Variants in ACO2 observed in about 807,000 individuals in gnomAD.
ACO2 encodes the protein aconitase 2.
In ACO2, 31 loss-of-function variants were observed where a neutral mutation model predicts 84.5. That is an observed-to-expected ratio of 0.37 (90% CI 0.28 to 0.50). ACO2 has a LOEUF of 0.50. Among genes scored for constraint, ACO2 ranks in the 20% least tolerant of loss-of-function variants. ACO2 has a pLI of 0.97. For missense variants in ACO2, 685 were observed against 1,029.3 expected (o/e 0.67, Z 4.58); for synonymous variants, 414 against 412.7 (o/e 1.00, Z -0.04).
intron 1 of ACO2, among the ~76,000 whole-genome samples, chr22:41,495,016 G>A (rs2066303230): frequency 1.3e-5 from 2 of 151,622 alleles, no homozygotes; most frequent in Admixed American, 6.6e-5. Flanking sequence ...TTATAGGCGT[G>A]AGTCTCCACG....
intron 14 of ACO2, 75 bp from the exon 15 acceptor site, chr22:41,526,187 C>T: frequency 7.3e-7 from 1 of 1,371,370 alleles, no homozygotes; most frequent in Non-Finnish European, 9.9e-7. Flanking sequence ...GGCCTGCTGC[C>T]TGCCTCTGGA....
At chr22:41,523,308 C>T (rs2066542200) in intron 11 of ACO2, 30 bp downstream of exon 11, 1 of 1,556,604 alleles carries the variant, frequency 6.4e-7, no homozygotes, top group South Asian at 1.1e-5. Flanking sequence ...ACAAGACAGC[C>T]CCTTGTGCAC....
chr22:41,526,387 C>G lies in ACO2; in HGVS notation c.1887C>G (p.Ala629=). Residue 629 remains alanine, a synonymous_variant, in exon 15 of 18, where the codon GCC becomes GCG. Transcript: ENST00000216254. ...IGAINIENGK[A]NSVRNAVTQE... The stretch of plus-strand genomic sequence containing the variant: ...CCATCAACATTGAAAACGGCAAGGC[C>G]AACTCCGTGCGCAATGCCGTCACTC... 6.2e-7 allele frequency: 1 copy of G among 1,613,894 alleles called. No individual in the cohort carries two copies. The highest frequency in any genetic ancestry group is 1.1e-5 in the South Asian group (1 of 91,068).
In ACO2 at chr22:41,524,846, A is replaced by G; in HGVS notation, c.1483A>G (p.Ile495Val). 1 of 1,614,070 alleles carries G rather than the reference A, an allele frequency of 6.2e-7. No individual in the cohort carries two copies. The highest frequency in any genetic ancestry group is 8.5e-7 in the Non-Finnish European group (1 of 1,180,014). ...AACAAACTGGCCACCTCCATTTCAG[A>G]TTGTCACAGCCCTGGCCATTGCGGG... ...ETHAFVTSPE[I>V]VTALAIAGTL... The change falls in exon 13 of 18, where the codon ATT becomes GTT. Residue 495 changes from isoleucine (I) to valine (V), a missense_variant and splice_region_variant. Ile to Val is a conservative substitution (Grantham distance 29, BLOSUM62 3). Around this residue, in one of 5 missense-constraint regions of ACO2, gnomAD observed 311 missense variants for 441.6 expected, o/e 0.70. Coordinates refer to ENST00000216254, the MANE Select transcript of ACO2 (RefSeq NM_001098.3).
chr22:41,507,377 A>C (rs974760934), intron 2 of ACO2, among the ~76,000 whole-genome samples: 1 of 150,804 alleles, frequency 6.6e-6, no homozygotes, highest in East Asian at 2.0e-4. Flanking sequence ...GAACTTGGTC[A>C]CTCTCCTGAG....
chr22:41,525,488 A>G, intron 14 of ACO2, 140 bp downstream of exon 14: 1 of 1,103,286 alleles, frequency 9.1e-7, no homozygotes, highest in Non-Finnish European at 1.3e-6. Context: ...TTGGCTGCAG[A>G]GCAGAGAGGG....
chr22:41,498,331 T>G (rs2066330116), intron 1 of ACO2, among the ~76,000 whole-genome samples: 1 of 152,098 alleles, frequency 6.6e-6, no homozygotes, highest in Non-Finnish European at 1.5e-5. Flanking sequence ...AAAAATTAAC[T>G]AATACAGATC....
chr22:41,477,439 G>A (rs943731701), intron 1 of ACO2, among the ~76,000 whole-genome samples: 12 of 151,810 alleles, frequency 7.9e-5, no homozygotes, highest in Admixed American at 5.9e-4. Context: ...GATTACAGGC[G>A]TGAGCCACCG....
At chr22:41,491,121 G>C (rs1028991889) in intron 1 of ACO2, among the ~76,000 whole-genome samples, 2 of 151,986 alleles carry the variant, frequency 1.3e-5, no homozygotes, top group Admixed American at 6.6e-5. Context: ...CCTAGGCAAA[G>C]GGCAGACTGG....
intron 2 of ACO2, 109 bp from the exon 3 acceptor site, chr22:41,507,682 C>G (rs1349077848): frequency 5.5e-6 from 8 of 1,466,016 alleles, no homozygotes; most frequent in Non-Finnish European, 6.4e-6. Context: ...GTTCAGACTC[C>G]CTGTCCCTGG....
rs115320762 is a variant in ACO2 at position 41,518,111 on chromosome 22, G to C, written c.941-370G>C. Among the ~76,000 whole-genome samples the C allele has an allele frequency of 3.3e-3, 509 of 152,342 alleles. 3 individuals are homozygous for C. The highest frequency in any genetic ancestry group is 0.012 in the African/African-American group (483 of 41,580). On this transcript the variant is annotated intron_variant, in intron 7 of 17. Coordinates refer to ENST00000216254, the MANE Select transcript of ACO2 (RefSeq NM_001098.3). ...TGGCACCTGTGAAGGGTGGTGCGTT[G>C]TGGGAGTGAACGAGGAGCCAGAGAC...
intron 14 of ACO2, 115 bp downstream of exon 14, chr22:41,525,463 A>C (rs1186127018): frequency 7.5e-7 from 1 of 1,332,086 alleles, no homozygotes; most frequent in Non-Finnish European, 1.0e-6. Context: ...CGCAGGTGGG[A>C]GATGGAAGGG....
At chr22:41,473,046 A>G (rs962301420) in intron 1 of ACO2, among the ~76,000 whole-genome samples, 1 of 152,228 alleles carries the variant, frequency 6.6e-6, no homozygotes, top group African/African-American at 2.4e-5. Context: ...TTCTGGTTGT[A>G]TGGTCACTGT....
chr22:41,523,894 C>T lies in ACO2; in HGVS notation c.1435C>T (p.Arg479Cys), dbSNP rs1359965775. 1.9e-6 allele frequency: 3 copies of T among 1,612,622 alleles called. No individual in the cohort carries two copies. The highest frequency in any genetic ancestry group is 1.3e-5 in the African/African-American group (1 of 74,974). ...VTSYNRNFTG[R>C]NDANPETHAF... ...CTCCTACAACAGGAACTTCACGGGC[C>T]GCAACGACGCAAACCCCGAGACCCA... The change falls in exon 12 of 18, where the codon CGC becomes TGC. Residue 479 changes from arginine to cysteine, a missense_variant. Physicochemically the swap from Arg to Cys is radical, Grantham distance 180 (BLOSUM62 -3). Coordinates refer to ENST00000216254, the MANE Select transcript of ACO2 (RefSeq NM_001098.3).
intron 1 of ACO2, among the ~76,000 whole-genome samples, chr22:41,474,042 G>T (rs1441600645): frequency 6.6e-6 from 1 of 152,132 alleles, no homozygotes; most frequent in East Asian, 1.9e-4. Context: ...ACCATAGAGG[G>T]TCAAAAGGAG....
chr22:41,485,730 A>G lies in ACO2; in HGVS notation c.37-13996A>G, dbSNP rs187303302. On this transcript the variant is annotated intron_variant, in intron 1 of 17. Transcript: ENST00000216254. ...AGTGCTGGGATTACAGGTGTGAGCC[A>G]CGGCGCTCGGCCCGCCCGGCTAATT... Among the ~76,000 whole-genome samples, 633 of 151,684 alleles carry G rather than the reference A, an allele frequency of 4.2e-3. 2 individuals carry two copies. Among genetic ancestry groups the G allele is most frequent in the Non-Finnish European group, 6.9e-3 (470 of 67,882 alleles).
At chr22:41,509,594 G>T (rs892309968) in intron 3 of ACO2, among the ~76,000 whole-genome samples, 4 of 152,144 alleles carry the variant, frequency 2.6e-5, no homozygotes, top group African/African-American at 9.7e-5. Flanking sequence ...ACTGGAGGAA[G>T]AACATGCTAG....
chr22:41,499,908 T>G, intron 2 of ACO2, 46 bp downstream of exon 2: 2 of 1,604,418 alleles, frequency 1.2e-6, no homozygotes, highest in South Asian at 2.2e-5. Flanking sequence ...GCATTGCGTC[T>G]GCTGCCTGCC....
rs539650941 is a variant in ACO2, at chr22:41,501,988, G to T, written c.173+2126G>T. On this transcript the variant is annotated intron_variant, in intron 2 of 17. Transcript: ENST00000216254. ...ATTATTTCTGTTCTCAACAACCCCT[G>T]TAGGTTGTTGCTTTCCATCTCTGCC... Among the ~76,000 whole-genome samples, 13 of 152,220 alleles carry T rather than the reference G, an allele frequency of 8.5e-5. No homozygotes were observed. The South Asian group carries it at 2.5e-3, about 29-fold the overall frequency.
Sources: gnomAD v4.1 joint callset for allele counts (sites outside exome capture counted in the v4.1 genomes callset) on GRCh38, gnomAD v4.1.1 for gene constraint, gnomAD v4.1.1 regional missense constraint, MANE v1.5 for transcripts, NCBI Gene and HGNC (gene_info 2026-07-23, HGNC 2026-07-21) for gene names.